PIGN: variants seen among roughly 807,000 people sequenced by gnomAD.
PIGN encodes the protein phosphatidylinositol glycan anchor biosynthesis class N.
In PIGN, 117 loss-of-function variants were observed where a neutral mutation model predicts 125.4. The observed-to-expected ratio is 0.93, with a 90% CI of 0.80 to 1.09. The LOEUF (loss-of-function observed/expected upper bound fraction) is 1.09, where lower values mean the gene tolerates loss of function less well. PIGN is among the 50% of genes least tolerant of loss of function. PIGN has a pLI of 0.00. For synonymous variants in PIGN, 392 were observed against 377.8 expected (o/e 1.04, Z -0.44); for missense variants, 1,075 against 1,094.9 (o/e 0.98, Z 0.26).
At chr18:62,137,905 G>T in intron 14 of PIGN, 1 of 235,220 alleles carries the variant, frequency 4.3e-6, no homozygotes, top group Non-Finnish European at 8.2e-6. Context: ...TATGGTACCA[G>T]CATCTTCCTA....
intron 30 of PIGN, among the ~76,000 whole-genome samples, chr18:62,061,069 T>C (rs2032093721): frequency 6.6e-6 from 1 of 152,204 alleles, no homozygotes; most frequent in Admixed American, 6.5e-5. Context: ...CTCACACCAG[T>C]AGTTTCAGCT....
chr18:62,020,547 TC>T (rs2030040697), intron 23 of PIGN, among the ~76,000 whole-genome samples: 2 of 151,618 alleles, frequency 1.3e-5, no homozygotes, highest in Non-Finnish European at 2.9e-5. Flanking sequence ...AATAGACTCT[TC>T]ACCAAAGAAC....
At chr18:62,089,081 A>G (rs1002642355) in intron 24 of PIGN, among the ~76,000 whole-genome samples, 1 of 152,180 alleles carries the variant, frequency 6.6e-6, no homozygotes, top group African/African-American at 2.4e-5. Context: ...TAGTGTTGCT[A>G]TATGTGTAAT....
chr18:62,061,974 G>A (rs2032176422), intron 30 of PIGN, among the ~76,000 whole-genome samples: 1 of 152,136 alleles, frequency 6.6e-6, no homozygotes, highest in African/African-American at 2.4e-5. Flanking sequence ...AGATGTTTAT[G>A]AAGATGCATG....
intron 7 of PIGN, among the ~76,000 whole-genome samples, chr18:62,150,884 T>C (rs2036512521): frequency 6.6e-6 from 1 of 152,138 alleles, no homozygotes; most frequent in Admixed American, 6.5e-5. Flanking sequence ...GTATTTTTAG[T>C]AGAGACAGGG....
At position 62,146,954 on chromosome 18, in the gene PIGN, A is replaced by G. The variant is rs2036353059; in HGVS notation, c.805+17T>C. ...TACTTTAATTGTAAGGTACATATCA[A>G]TTAAAGACACACTAACCCCAGTCTG... On this transcript the variant is annotated intron_variant, in intron 9 of 30. Coordinates refer to ENST00000640252, the MANE Select transcript of PIGN (RefSeq NM_176787.5). 6.2e-7 allele frequency: 1 copy of G among 1,609,512 alleles called. No individual in the cohort carries two copies. The highest frequency in any genetic ancestry group is 8.5e-7 in the Non-Finnish European group (1 of 1,176,656).
chr18:62,084,744 C>T lies in PIGN; in HGVS notation c.2427-138G>A, dbSNP rs1049854035. 10 of 662,898 alleles carry T rather than the reference C, an allele frequency of 1.5e-5. No individual in the cohort carries two copies. In the Admixed American group the frequency reaches 2.3e-4, roughly 15 times the overall value. The allele number at this position is 662,898 out of a possible 1,614,324, so 41.1% of individuals were successfully genotyped here. ...AAGCAAACATCATATTATGAAGCCA[C>T]TAAAATGAACGCAGTAGATCCGAAT... On this transcript the variant is annotated intron_variant, in intron 26 of 30. Coordinates refer to ENST00000640252, the MANE Select transcript of PIGN (RefSeq NM_176787.5).
rs587777186 is a variant in PIGN, at chr18:62,146,023, A to G, written c.808T>C (p.Ser270Pro). 2 of 1,449,630 alleles carry G rather than the reference A, an allele frequency of 1.4e-6. No homozygotes were observed. Among genetic ancestry groups the G allele is most frequent in the East Asian group, 4.6e-5 (2 of 43,914 alleles). 89.8% of individuals were successfully genotyped at this position (1,449,630 alleles called of 1,614,324 possible). ...TCTGAAGGATGACCAGCCCCATGGG[A>G]ACCTACAAATAAGATATAAAGAATA... is the stretch of plus-strand genomic sequence containing the variant. ...TSDHGMTDWG[S>P]HGAGHPSETL... is the part of the protein sequence containing the mutation. The change falls in exon 10 of 31, where the codon TCC becomes CCC. Residue 270 changes from serine (S) to proline (P), a missense_variant and splice_region_variant. Physicochemically the swap from Ser to Pro is moderately conservative, Grantham distance 74. Around this residue, in one of 3 missense-constraint regions of PIGN, gnomAD observed 915 missense variants for 908.7 expected, o/e 1.01. Coordinates refer to ENST00000640252, the MANE Select transcript of PIGN (RefSeq NM_176787.5).
At chr18:62,165,863 G>A (rs771577401) in intron 1 of PIGN, among the ~76,000 whole-genome samples, 12 of 152,164 alleles carry the variant, frequency 7.9e-5, no homozygotes, top group Non-Finnish European at 1.0e-4. Flanking sequence ...TTAAACAGTC[G>A]TGTGAGCTGA....
downstream of PIGN, among the ~76,000 whole-genome samples, chr18:62,040,755 C>G (rs1310181162): frequency 6.6e-6 from 1 of 152,196 alleles, no homozygotes; most frequent in African/African-American, 2.4e-5. Context: ...AAAATGTTGA[C>G]AGACGATTTC....
intron 14 of PIGN, among the ~76,000 whole-genome samples, chr18:62,129,989 G>C (rs1056388414): frequency 6.6e-6 from 1 of 152,112 alleles, no homozygotes; most frequent in Non-Finnish European, 1.5e-5. Flanking sequence ...GGGAGATCTG[G>C]AGACAGAGAC....
rs1372618882 is a variant in PIGN at position 62,049,359 on chromosome 18, C to T, written c.2673-3380G>A. Among the ~76,000 whole-genome samples the T allele has an allele frequency of 2.7e-3, 407 of 149,768 alleles. 3 individuals are homozygous for T. Among genetic ancestry groups the T allele is most frequent in the Non-Finnish European group, 3.0e-3 (200 of 66,618 alleles). On this transcript the variant is annotated intron_variant, in intron 30 of 30. Transcript: ENST00000640252. ...TCCTGTTTCTCCACATCCTCTCCAG[C>T]ACCTGTTGTTTCCTGACTTTTTAAT... is the stretch of plus-strand genomic sequence containing the variant.
intron 9 of PIGN, among the ~76,000 whole-genome samples, chr18:62,146,459 T>C (rs1599628554): frequency 6.6e-6 from 1 of 152,218 alleles, no homozygotes; most frequent in Non-Finnish European, 1.5e-5. Flanking sequence ...TCCAGGCCAC[T>C]CTGGCAGGTA....
intron 14 of PIGN, among the ~76,000 whole-genome samples, chr18:62,116,937 AT>A (rs1342880816): frequency 6.6e-6 from 1 of 152,170 alleles, no homozygotes; most frequent in Non-Finnish European, 1.5e-5. Context: ...CTTATGAAGA[AT>A]AAGAGAAAAA....
chr18:62,119,418 A>G (rs1441385374), intron 14 of PIGN, among the ~76,000 whole-genome samples: 2 of 152,230 alleles, frequency 1.3e-5, no homozygotes, highest in African/African-American at 4.8e-5. Context: ...AACAGAATCT[A>G]TTTTTTTAAA....
chr18:62,095,301 A>G (rs2034133467), intron 23 of PIGN, among the ~76,000 whole-genome samples: 1 of 152,216 alleles, frequency 6.6e-6, no homozygotes, highest in South Asian at 2.1e-4. Context: ...TGAGTTCTAG[A>G]AAATGCTTTG....
At chr18:62,125,060 A>G (rs977884788) in intron 14 of PIGN, among the ~76,000 whole-genome samples, 4 of 151,882 alleles carry the variant, frequency 2.6e-5, no homozygotes, top group East Asian at 1.9e-4. Flanking sequence ...TTGTACATAC[A>G]TGTATATAAA....
chr18:62,093,784 G>C (rs779340686), intron 23 of PIGN, among the ~76,000 whole-genome samples: 1 of 151,852 alleles, frequency 6.6e-6, no homozygotes, highest in Admixed American at 6.6e-5. Context: ...ACTAATTTAC[G>C]TAGAGAACCC....
chr18:62,101,049 C>T lies in PIGN; in HGVS notation c.2077+26G>A, dbSNP rs778668481. The T allele has an allele frequency of 7.6e-6, 9 of 1,186,754 alleles. No homozygotes were observed. In the South Asian group the frequency reaches 9.7e-5, roughly 13 times the overall value. 73.5% of individuals were successfully genotyped at this position (1,186,754 alleles called of 1,614,324 possible). On this transcript the variant is annotated intron_variant, in intron 22 of 30. Coordinates refer to ENST00000640252, the MANE Select transcript of PIGN (RefSeq NM_176787.5). ...AATAACTAAGTTGATGTCAAATTACCTCACCTGGTTTGAGTGGCCTCTTAC... is the reference window on the plus strand; with the variant it reads ...AATAACTAAGTTGATGTCAAATTACTTCACCTGGTTTGAGTGGCCTCTTAC...
Sources: gnomAD v4.1 joint callset for allele counts (sites outside exome capture counted in the v4.1 genomes callset) on GRCh38, gnomAD v4.1.1 for gene constraint, gnomAD v4.1.1 regional missense constraint, MANE v1.5 for transcripts, NCBI Gene and HGNC (gene_info 2026-07-23, HGNC 2026-07-21) for gene names.